TRERF1: variants seen among roughly 807,000 people sequenced by gnomAD.
TRERF1 encodes transcriptional-regulating factor 1.
A neutral mutation model predicts 122.9 loss-of-function variants in TRERF1; 27 were observed. The ratio of observed to expected loss-of-function variants is 0.22; its 90% CI spans 0.16 to 0.30. The LOEUF is 0.30. Among genes scored for constraint, TRERF1 ranks in the 10% least tolerant of loss-of-function variants. TRERF1 has a pLI of 1.00. For synonymous variants in TRERF1, 636 were observed against 641.7 expected (o/e 0.99, Z 0.13); for missense variants, 1,248 against 1,560.3 (o/e 0.80, Z 3.37).
At chr6:42,329,266 T>C (rs1422044823) in intron 3 of TRERF1, among the ~76,000 whole-genome samples, 1 of 152,018 alleles carries the variant, frequency 6.6e-6, no homozygotes, top group African/African-American at 2.4e-5. Context: ...CCAACACTAC[T>C]CCCTGAGGCC....
intron 2 of TRERF1, among the ~76,000 whole-genome samples, chr6:42,392,374 G>GAA (rs1777891312): frequency 6.6e-6 from 1 of 152,102 alleles, no homozygotes; most frequent in Non-Finnish European, 1.5e-5. Context: ...CATTAAACAA[G>GAA]AAAATGATCA....
At chr6:42,378,587 G>A (rs1031137642) in intron 2 of TRERF1, among the ~76,000 whole-genome samples, 2 of 152,120 alleles carry the variant, frequency 1.3e-5, no homozygotes, top group East Asian at 1.9e-4. Context: ...GGGACCTTGG[G>A]AACAACCTAG....
At chr6:42,335,484 A>C (rs1765973935) in intron 3 of TRERF1, among the ~76,000 whole-genome samples, 1 of 152,202 alleles carries the variant, frequency 6.6e-6, no homozygotes, top group African/African-American at 2.4e-5. Flanking sequence ...TGAGGCACTA[A>C]AGATTTAAGA....
intron 2 of TRERF1, among the ~76,000 whole-genome samples, chr6:42,448,879 CA>C (rs1044511767): frequency 6.6e-6 from 1 of 151,994 alleles, no homozygotes; most frequent in African/African-American, 2.4e-5. Context: ...TTACATTTGT[CA>C]AAAAAATAAC....
intron 3 of TRERF1, among the ~76,000 whole-genome samples, chr6:42,311,805 T>A (rs1582968595): frequency 7.0e-6 from 1 of 143,470 alleles, no homozygotes; most frequent in Non-Finnish European, 1.5e-5. Context: ...TCATGGAGGG[T>A]TGTGAGCAGA....
At chr6:42,241,768 A>C (rs1287207381) in intron 15 of TRERF1, among the ~76,000 whole-genome samples, 2 of 152,272 alleles carry the variant, frequency 1.3e-5, no homozygotes, top group African/African-American at 4.8e-5. Flanking sequence ...GGCCAAGTCC[A>C]AATTTTTTAT....
chr6:42,341,483 G>T (rs1028524928), intron 3 of TRERF1, among the ~76,000 whole-genome samples: 1 of 152,214 alleles, frequency 6.6e-6, no homozygotes, highest in African/African-American at 2.4e-5. Context: ...TCATGGGTCT[G>T]CCCCGGAGTC....
intron 4 of TRERF1, among the ~76,000 whole-genome samples, chr6:42,271,484 T>G (rs1282921554): frequency 6.6e-6 from 1 of 152,196 alleles, no homozygotes; most frequent in Non-Finnish European, 1.5e-5. Context: ...GGATGGTAAC[T>G]GCATGGTCAT....
intron 2 of TRERF1, among the ~76,000 whole-genome samples, chr6:42,367,022 G>A (rs2150999788): frequency 6.6e-6 from 1 of 152,338 alleles, no homozygotes; most frequent in East Asian, 1.9e-4. Context: ...GGACTTAGCT[G>A]AAGTCACAGG....
At chr6:42,372,496 T>C (rs916747907) in intron 2 of TRERF1, among the ~76,000 whole-genome samples, 1 of 152,202 alleles carries the variant, frequency 6.6e-6, no homozygotes, top group Non-Finnish European at 1.5e-5. Flanking sequence ...CTCTGGGTGC[T>C]GTATCCTCCC....
intron 2 of TRERF1, among the ~76,000 whole-genome samples, chr6:42,408,227 ATGTGTGTGTGTATG>A (rs1197538887): frequency 0.011 from 1,287 of 116,524 alleles, 28 homozygotes; most frequent in African/African-American, 0.041. Context: ...ATATATATAT[ATGTGTGTGTGTATG>A]TATATATACA....
At chr6:42,345,373 C>T (rs965176052) in intron 3 of TRERF1, among the ~76,000 whole-genome samples, 13 of 152,132 alleles carry the variant, frequency 8.5e-5, no homozygotes, top group African/African-American at 2.9e-4. Flanking sequence ...ACAGAGGACC[C>T]GAGCAAGAGG....
chr6:42,330,200 C>T (rs1028837852), intron 3 of TRERF1, among the ~76,000 whole-genome samples: 1 of 152,022 alleles, frequency 6.6e-6, no homozygotes, highest in Non-Finnish European at 1.5e-5. Context: ...GGCATGAACA[C>T]ACAAGAAATA....
At chr6:42,267,777 C>G (rs958738222) in intron 5 of TRERF1, among the ~76,000 whole-genome samples, 2 of 152,192 alleles carry the variant, frequency 1.3e-5, no homozygotes, top group African/African-American at 2.4e-5. Context: ...ACGTGGTCTC[C>G]CTCCCAAAGG....
chr6:42,359,747 A>T (rs260246), intron 3 of TRERF1, among the ~76,000 whole-genome samples: 18 of 152,204 alleles, frequency 1.2e-4, no homozygotes, highest in African/African-American at 4.1e-4. Context: ...AAAACCAACA[A>T]AAAAAACCCC....
chr6:42,352,543 A>G (rs964385569), intron 3 of TRERF1, among the ~76,000 whole-genome samples: 1 of 152,240 alleles, frequency 6.6e-6, no homozygotes, highest in Non-Finnish European at 1.5e-5. Context: ...AATAGTGAAT[A>G]TGGTTACAAA....
At chr6:42,283,006 G>C (rs1782560009) in intron 4 of TRERF1, among the ~76,000 whole-genome samples, 2 of 152,152 alleles carry the variant, frequency 1.3e-5, no homozygotes, top group African/African-American at 2.4e-5. Flanking sequence ...CCTGAAAGGA[G>C]CTTATCTAAT....
In TRERF1 at chr6:42,269,894, T is replaced by C; in HGVS notation, c.-258-46A>G. On this transcript the variant is annotated intron_variant, in intron 4 of 17. Transcript: ENST00000372922. This position sits in a 1 kb window ranked among gnomAD's most constrained non-coding sequence, Gnocchi z 4.9. Reference sequence around the variant, plus strand: ...GACAGGAAAGGATTTATTTGGATGTTTTGTGATGAGCAATTGATATCCACC... The same window carrying C: ...GACAGGAAAGGATTTATTTGGATGTCTTGTGATGAGCAATTGATATCCACC... 2.4e-6 allele frequency: 1 copy of C among 416,942 alleles called. No homozygotes were observed. The highest frequency in any genetic ancestry group is 4.0e-6 in the Non-Finnish European group (1 of 251,434). 25.8% of individuals were successfully genotyped at this position (416,942 alleles called of 1,614,324 possible).
chr6:42,331,529 C>G (rs1056797682), intron 3 of TRERF1, among the ~76,000 whole-genome samples: 3 of 152,138 alleles, frequency 2.0e-5, no homozygotes, highest in Admixed American at 1.3e-4. Flanking sequence ...AGTACCAGCC[C>G]GTTCCCTGGG....
Sources: allele counts gnomAD v4.1 joint callset (sites outside exome capture counted in the v4.1 genomes callset), GRCh38; gene constraint gnomAD v4.1.1; non-coding constraint Gnocchi (gnomAD v3.1); transcripts MANE v1.5; gene names NCBI Gene and HGNC (gene_info 2026-07-23, HGNC 2026-07-21).